The following C6 variants were observed in gnomAD, a reference collection of about 807,000 sequenced individuals.
C6 encodes the protein complement C6, also known as complement component C6.
Under a neutral mutation model 112.9 loss-of-function variants are expected in C6, and 101 were observed. The ratio of observed to expected loss-of-function variants is 0.89; its 90% CI spans 0.76 to 1.06. The LOEUF is 1.06. Among genes scored for constraint, C6 ranks in the 50% least tolerant of loss-of-function variants. The pLI, the probability that C6 is intolerant of heterozygous loss-of-function variation, is 0.00. For synonymous variants in C6, 431 were observed against 384.1 expected (o/e 1.12, Z -1.43); for missense variants, 1,202 against 1,104.6 (o/e 1.09, Z -1.25).
In C6 at chr5:41,159,232, C is replaced by A; in HGVS notation, c.1706G>T (p.Gly569Val). The A allele has an allele frequency of 6.2e-7, 1 of 1,613,288 alleles. No individual in the cohort carries two copies. The highest frequency in any genetic ancestry group is 8.5e-7 in the Non-Finnish European group (1 of 1,179,604). ...ACAGGTACTCCAGGAAGACCAACAA[C>A]CCCACTGTCCGTCTACTGCATCTGG... is the stretch of plus-strand genomic sequence containing the variant. ...YKSNAVDGQW[G>V]CWSSWSTCDA... Residue 569 changes from glycine to valine, a missense_variant, in exon 12 of 18, where the codon GGT becomes GTT. Physicochemically the swap from Gly to Val is moderately radical, Grantham distance 109. Coordinates refer to ENST00000337836, the MANE Select transcript of C6 (RefSeq NM_000065.5).
intron 1 of C6, among the ~76,000 whole-genome samples, chr5:41,241,875 A>T (rs1444909): frequency 0.7 from 106,737 of 152,018 alleles, 37,577 homozygotes; most frequent in African/African-American, 0.73. Flanking sequence ...CAGTGTGAAA[A>T]GACAGCTGGT....
At chr5:41,223,310 T>C (rs1378970804) in intron 1 of C6, among the ~76,000 whole-genome samples, 1 of 152,198 alleles carries the variant, frequency 6.6e-6, no homozygotes, top group Non-Finnish European at 1.5e-5. Context: ...GATGGTTGAA[T>C]AAATCTGTAC....
At chr5:41,231,997 G>GT (rs1361689004) in intron 1 of C6, among the ~76,000 whole-genome samples, 14 of 151,756 alleles carry the variant, frequency 9.2e-5, no homozygotes, top group South Asian at 2.1e-4. Context: ...GACTATATCT[G>GT]TTTTTTCTGT....
chr5:41,217,289 T>A (rs922864327), upstream of C6, among the ~76,000 whole-genome samples: 2 of 152,164 alleles, frequency 1.3e-5, no homozygotes, highest in Non-Finnish European at 2.9e-5. Context: ...GATATTATGA[T>A]CATTGTGTGC....
intron 1 of C6, among the ~76,000 whole-genome samples, chr5:41,210,817 A>T (rs1341160286): frequency 6.6e-6 from 1 of 152,198 alleles, no homozygotes; most frequent in Non-Finnish European, 1.5e-5. Context: ...ACCATTGTGG[A>T]AGGCAGTGTG....
rs1739210195 is a variant in C6 at position 41,222,145 on chromosome 5, GACAGAGAGAGA to G, written c.-20-18906_-20-18896del. ...CATGCCATTGCTCTGTTGCCTGGGC[GACAGAGAGAGA>G]CTCCATCTCAAAAAAAAAAAACAAA... On this transcript the variant is annotated intron_variant, in intron 1 of 17. Coordinates refer to the C6 transcript ENST00000263413. Among the ~76,000 whole-genome samples the G allele has an allele frequency of 2.0e-5, 3 of 147,636 alleles. No homozygotes were observed. In the Admixed American group the frequency reaches 2.0e-4, roughly 10 times the overall value.
intron 1 of C6, among the ~76,000 whole-genome samples, chr5:41,248,714 G>C (rs551958400): frequency 6.6e-6 from 1 of 152,288 alleles, no homozygotes; most frequent in South Asian, 2.1e-4. Flanking sequence ...ATGCTTATAC[G>C]CTGCTGGTGG....
chr5:41,194,013 G>A (rs946160911), intron 5 of C6, among the ~76,000 whole-genome samples: 2 of 152,092 alleles, frequency 1.3e-5, no homozygotes, highest in African/African-American at 4.8e-5. Context: ...AGAGGGCCAC[G>A]TCGTCCTTCA....
rs74795608 is a variant in C6 at position 41,164,308 on chromosome 5, T to C, written c.1292-2449A>G. Among the ~76,000 whole-genome samples the C allele has an allele frequency of 4.0e-3, 606 of 152,260 alleles. 1 individual carries two copies. Among genetic ancestry groups the C allele is most frequent in the Non-Finnish European group, 6.5e-3 (445 of 68,012 alleles). Reference sequence around the variant, plus strand: ...CTCTGAAGGAAGACTGACATGTTCCTGGAAGGAAAGGTGAGACCTATTAGG... The same window carrying C: ...CTCTGAAGGAAGACTGACATGTTCCCGGAAGGAAAGGTGAGACCTATTAGG... On this transcript the variant is annotated intron_variant, in intron 9 of 17. Coordinates refer to ENST00000337836, the MANE Select transcript of C6 (RefSeq NM_000065.5).
intron 1 of C6, among the ~76,000 whole-genome samples, chr5:41,244,289 T>A (rs532920573): frequency 6.6e-6 from 1 of 152,310 alleles, no homozygotes; most frequent in African/African-American, 2.4e-5. Flanking sequence ...AAGCTAAAAT[T>A]TTTATGGTGT....
At position 41,260,541 on chromosome 5, in the gene C6, G is replaced by A. The variant is rs527309313; in HGVS notation, c.-21+653C>T. On this transcript the variant is annotated intron_variant, in intron 1 of 17. Transcript: ENST00000263413. ...TCCCAGCACTTTGGGAGGCCGAGGC[G>A]GTCGTATCACCTGAGGTTGGGAGTT... 9.2e-5 allele frequency among the ~76,000 whole-genome samples: 14 copies of A among 151,436 alleles called. 1 individual carries two copies. In the South Asian group the frequency reaches 1.1e-3, roughly 11 times the overall value.
chr5:41,182,255 C>T (rs1013721869), intron 6 of C6, among the ~76,000 whole-genome samples: 37 of 151,340 alleles, frequency 2.4e-4, no homozygotes, highest in Non-Finnish European at 4.3e-4. Context: ...TATGTCACTT[C>T]CCCCCGCCCC....
At chr5:41,208,194 C>G (rs1751593447) in intron 1 of C6, among the ~76,000 whole-genome samples, 1 of 152,132 alleles carries the variant, frequency 6.6e-6, no homozygotes, top group Admixed American at 6.5e-5. Flanking sequence ...CATAACATAC[C>G]AGAATCTCTG....
chr5:41,229,245 T>C (rs1398189216), intron 1 of C6, among the ~76,000 whole-genome samples: 1 of 152,104 alleles, frequency 6.6e-6, no homozygotes, highest in Non-Finnish European at 1.5e-5. Context: ...GTTTTTCTTT[T>C]TCTTGTTTCT....
At position 41,159,067 on chromosome 5, in the gene C6, C is replaced by T. The variant is rs754102602; in HGVS notation, c.1856+15G>A. 1 of 1,613,518 alleles carries T rather than the reference C, an allele frequency of 6.2e-7. No homozygotes were observed. Among genetic ancestry groups the T allele is most frequent in the South Asian group, 1.1e-5 (1 of 91,070 alleles). On this transcript the variant is annotated intron_variant, in intron 12 of 17. Transcript: ENST00000337836. ...AGGGCAAAATGACCCATTCTTTTCCCTTACCCGGCCTTACTTGTTTTCCAT... is the reference window on the plus strand; with the variant it reads ...AGGGCAAAATGACCCATTCTTTTCCTTTACCCGGCCTTACTTGTTTTCCAT...
rs1279883146 is a variant in C6 at position 41,149,316 on chromosome 5, T to G, written c.2548A>C (p.Thr850Pro). The change falls in exon 17 of 18, where the codon ACA becomes CCA. Residue 850 changes from threonine (T) to proline (P), a missense_variant. Coordinates refer to ENST00000337836, the MANE Select transcript of C6 (RefSeq NM_000065.5). The part of the protein sequence containing the change: ...GRQLEWGLER[T>P]RLSSNSTKKE... ...TTTGTGCTGTTGGATGAAAGTCTTG[T>G]CCTTTCAAGACCCCATTCTAACTGG... 6.2e-7 allele frequency: 1 copy of G among 1,614,014 alleles called. No individual in the cohort carries two copies. Among genetic ancestry groups the G allele is most frequent in the Non-Finnish European group, 8.5e-7 (1 of 1,179,928 alleles).
chr5:41,149,630 A>G, intron 16 of C6, 148 bp from the exon 17 acceptor site: 2 of 1,045,504 alleles, frequency 1.9e-6, no homozygotes, highest in African/African-American at 1.6e-5. Context: ...GAGTGAGAGG[A>G]ACAGGAAAGT....
At chr5:41,147,248 C>CA (rs978887013) in intron 17 of C6, among the ~76,000 whole-genome samples, 4 of 151,902 alleles carry the variant, frequency 2.6e-5, no homozygotes, top group Admixed American at 6.6e-5. Context: ...GATCAAGCAT[C>CA]AAAAAAATGA....
rs143443464 is a variant in C6, at chr5:41,200,891, G to GTTTTTTTT, written c.300+659_300+666dup. 5.7e-3 allele frequency among the ~76,000 whole-genome samples: 403 copies of GTTTTTTTT among 70,632 alleles called. 23 individuals are homozygous for GTTTTTTTT. Among genetic ancestry groups the GTTTTTTTT allele is most frequent in the Middle Eastern group, 0.022 (2 of 92 alleles). The allele number at this position is 70,632 out of a possible 152,430, so 46.3% of individuals were successfully genotyped here. ...TGTTTTTGTTGTTGTTGTTGTTGTT[G>GTTTTTTTT]TTTTTTTTTTTTTTTTTTTTTTTTT... On this transcript the variant is annotated intron_variant, in intron 3 of 17. Transcript: ENST00000337836.
Sources: gnomAD v4.1 joint callset for allele counts (sites outside exome capture counted in the v4.1 genomes callset) on GRCh38, gnomAD v4.1.1 for gene constraint, MANE v1.5 for transcripts, NCBI Gene and HGNC (gene_info 2026-07-23, HGNC 2026-07-21) for gene names.